Variants in KIAA1191 observed in about 807,000 individuals in gnomAD.
KIAA1191 encodes the protein KIAA1191, also known as putative monooxygenase p33MONOX.
A neutral mutation model predicts 31.1 loss-of-function variants in KIAA1191; 22 were observed. The observed-to-expected ratio is 0.71, with a 90% CI of 0.51 to 1.01. KIAA1191 has a LOEUF of 1.01. Ranked by LOEUF, KIAA1191 falls within the 50% of genes least tolerant of loss-of-function variation. The probability of loss-of-function intolerance (pLI) is 0.00; values close to 1 mark genes in which losing one functional copy is unlikely to be tolerated. For missense variants in KIAA1191, 319 were observed against 388.0 expected, an observed-to-expected ratio of 0.82 and a Z score of 1.49; for synonymous variants, 130 against 143.9, an observed-to-expected ratio of 0.90 and a Z score of 0.69.
intron 4 of KIAA1191, chr5:176,353,431 A>G (rs1024127291): frequency 6.6e-6 from 1 of 152,280 alleles, no homozygotes; most frequent in East Asian, 1.9e-4. Context: ...GCTCAGGCCT[A>G]GCAGGGAGGA....
chr5:176,352,176 A>C (rs1001973545), intron 5 of KIAA1191, among the ~76,000 whole-genome samples: 8 of 151,644 alleles, frequency 5.3e-5, no homozygotes, highest in Non-Finnish European at 1.0e-4. Flanking sequence ...AACAAAAAAA[A>C]AAACAAAAAC....
chr5:176,358,957 G>A (rs1394683742), intron 3 of KIAA1191, among the ~76,000 whole-genome samples: 24 of 151,618 alleles, frequency 1.6e-4, no homozygotes, highest in African/African-American at 5.6e-4. Context: ...GGTGGTGGGC[G>A]CCTGTAGTCC....
Position 176,347,577 on chromosome 5 carries a change from C to T in KIAA1191, c.*23G>A, listed in dbSNP as rs369433352. The T allele has an allele frequency of 1.8e-4, 260 of 1,465,806 alleles. No individual in the cohort carries two copies. The Middle Eastern group carries it at 5.4e-3, about 30-fold the overall frequency. The allele number at this position is 1,465,806 out of a possible 1,614,324, so 90.8% of individuals were successfully genotyped here. On this transcript the variant is annotated 3_prime_UTR_variant, in exon 9 of 9. Transcript: ENST00000298569. ...AGTGGGATGCAAGAAACCACCTTTA[C>T]CAGAATCCCTGGAAAGAGGGCTCTA...
intron 5 of KIAA1191, among the ~76,000 whole-genome samples, chr5:176,351,297 T>C (rs970353119): frequency 8.7e-5 from 13 of 149,000 alleles, no homozygotes; most frequent in East Asian, 4.0e-4. Context: ...GTCGAGATCG[T>C]GCCACTGCAC....
At chr5:176,353,345 A>G (rs1441329925) in intron 4 of KIAA1191, 1 of 152,254 alleles carries the variant, frequency 6.6e-6, no homozygotes, top group Non-Finnish European at 1.5e-5. Flanking sequence ...AACAAAAAAA[A>G]TCTACTTAGC....
At chr5:176,347,864 A>G (rs1766647941) in intron 8 of KIAA1191, 56 bp from the exon 9 acceptor site, 1 of 1,611,340 alleles carries the variant, frequency 6.2e-7, no homozygotes, top group Non-Finnish European at 8.5e-7. Flanking sequence ...AGCTCCCGGT[A>G]TACAATATGG....
chr5:176,349,963 A>G (rs1056935740), intron 6 of KIAA1191, among the ~76,000 whole-genome samples: 2 of 152,158 alleles, frequency 1.3e-5, no homozygotes, highest in Non-Finnish European at 2.9e-5. Flanking sequence ...CTGCTTTGGA[A>G]TGAGGAGGAA....
chr5:176,351,155 A>AGC (rs1561752040), intron 5 of KIAA1191, among the ~76,000 whole-genome samples: 8 of 152,094 alleles, frequency 5.3e-5, no homozygotes, highest in South Asian at 2.1e-4. Context: ...ATCCTGGCTA[A>AGC]CAAGGTGAAA....
chr5:176,348,485 C>T (rs763397833), intron 6 of KIAA1191, 129 bp from the exon 7 acceptor site: 84 of 647,478 alleles, frequency 1.3e-4, no homozygotes, highest in African/African-American at 7.5e-4. Context: ...GGAATGATTT[C>T]GGATGATCTA....
intron 5 of KIAA1191, among the ~76,000 whole-genome samples, chr5:176,352,340 G>A (rs954640624): frequency 6.6e-6 from 1 of 152,134 alleles, no homozygotes; most frequent in Non-Finnish European, 1.5e-5. Flanking sequence ...AGTCTCTGTA[G>A]TTAAGTAGCT....
intron 5 of KIAA1191, among the ~76,000 whole-genome samples, chr5:176,352,324 C>T (rs80301315): frequency 0.015 from 2,346 of 152,220 alleles, 51 homozygotes; most frequent in African/African-American, 0.054. Flanking sequence ...CATTTTAGAG[C>T]GGGGCAGTCT....
Position 176,348,258 on chromosome 5 carries a change from C to T in KIAA1191, c.558G>A (p.Gln186=), listed in dbSNP as rs1304962835. ...TCACAGGAAGGGCTCACCTGGGCCT[C>T]TGCTTAGGTGAAGAGTGCGGAGTGG... is the stretch of plus-strand genomic sequence containing the variant. ...PSTTPHSSPK[Q]RPRGWFTSGS... is the part of the protein sequence containing the mutation. Residue 186 remains glutamine (Q), a synonymous_variant, in exon 7 of 9, where the codon CAG becomes CAA. Coordinates refer to ENST00000298569, the MANE Select transcript of KIAA1191 (RefSeq NM_020444.5). 6.2e-7 allele frequency: 1 copy of T among 1,613,600 alleles called. No homozygotes were observed. The highest frequency in any genetic ancestry group is 1.7e-5 in the Admixed American group (1 of 59,950).
rs1767983975 is a variant in KIAA1191 at position 176,361,259 on chromosome 5, AG to A, written c.-168+342del. ...CTGCTTCACCCACCCCTCCAGGCTA[AG>A]ATTAGGGCCAGGACCCTAGCCGAAG... On this transcript the variant is annotated intron_variant, in intron 1 of 8. Coordinates refer to ENST00000298569, the MANE Select transcript of KIAA1191 (RefSeq NM_020444.5). The surrounding 1 kb of genome is among the most constrained non-coding windows in gnomAD (Gnocchi z 4.0). 1 of 152,380 alleles carries A rather than the reference AG, an allele frequency of 6.6e-6. No individual in the cohort carries two copies. 9.4% of individuals were successfully genotyped at this position (152,380 alleles called of 1,614,324 possible).
rs775670313 is a variant in KIAA1191 at position 176,355,777 on chromosome 5, G to A, written c.29-28C>T. ...AAGAACAGAGACACCTGTCAAGACA[G>A]GTTCAGCAACTGGACATACTAGCAG... On this transcript the variant is annotated intron_variant, in intron 3 of 8. Coordinates refer to ENST00000298569, the MANE Select transcript of KIAA1191 (RefSeq NM_020444.5). The surrounding 1 kb of genome is among the most constrained non-coding windows in gnomAD (Gnocchi z 4.2). 1 of 1,609,504 alleles carries A rather than the reference G, an allele frequency of 6.2e-7. No individual in the cohort carries two copies. The highest frequency in any genetic ancestry group is 8.5e-7 in the Non-Finnish European group (1 of 1,176,036).
rs1382950663 is a variant in KIAA1191 at position 176,355,534 on chromosome 5, G to A, written c.207+37C>T. On this transcript the variant is annotated intron_variant, in intron 4 of 8. Coordinates refer to ENST00000298569, the MANE Select transcript of KIAA1191 (RefSeq NM_020444.5). The surrounding 1 kb of genome is among the most constrained non-coding windows in gnomAD (Gnocchi z 4.2). ...TCTGGAGCAGAGGAAGGACAAAGGG[G>A]TTGCGTATGCCAGAAATGGCCAGCA... The A allele has an allele frequency of 5.0e-6, 8 of 1,589,896 alleles. No homozygotes were observed. The highest frequency in any genetic ancestry group is 6.0e-6 in the Non-Finnish European group (7 of 1,164,230).
At chr5:176,351,348 A>G (rs988383524) in intron 5 of KIAA1191, among the ~76,000 whole-genome samples, 4 of 152,094 alleles carry the variant, frequency 2.6e-5, no homozygotes, top group African/African-American at 4.8e-5. Context: ...CTCAAAAAAA[A>G]AAAAAAAGTT....
rs888848440 is a variant in KIAA1191 at position 176,355,009 on chromosome 5, A to G, written c.207+562T>C. On this transcript the variant is annotated intron_variant, in intron 4 of 8. Transcript: ENST00000298569. This position sits in a 1 kb window ranked among gnomAD's most constrained non-coding sequence, Gnocchi z 4.2. The stretch of plus-strand genomic sequence containing the variant: ...ACAGGATGTGGATGGCAAACATCCT[A>G]AACAATCAGGGCAGTGTGAGCCAAA... 2.6e-5 allele frequency among the ~76,000 whole-genome samples: 4 copies of G among 152,234 alleles called. No individual in the cohort carries two copies. The highest frequency in any genetic ancestry group is 6.5e-5 in the Admixed American group (1 of 15,280).
intron 3 of KIAA1191, among the ~76,000 whole-genome samples, chr5:176,358,198 C>T (rs559926007): frequency 1.3e-5 from 2 of 152,326 alleles, no homozygotes; most frequent in Admixed American, 1.3e-4. Flanking sequence ...TTTAAGCAGG[C>T]TGGTGCCTTT....
chr5:176,350,523 A>G (rs755108136), intron 6 of KIAA1191, 90 bp downstream of exon 6: 19 of 1,510,028 alleles, frequency 1.3e-5, no homozygotes, highest in Admixed American at 5.7e-5. Context: ...ACAGCCCCCA[A>G]CTAACTGAGC....
Sources: allele counts gnomAD v4.1 joint callset (sites outside exome capture counted in the v4.1 genomes callset), GRCh38; gene constraint gnomAD v4.1.1; non-coding constraint Gnocchi (gnomAD v3.1); transcripts MANE v1.5; gene names NCBI Gene and HGNC (gene_info 2026-07-23, HGNC 2026-07-21).